TMEM170B: variants seen among roughly 807,000 people sequenced by gnomAD.
TMEM170B encodes transmembrane protein 170B.
Under a neutral mutation model 13.0 loss-of-function variants are expected in TMEM170B, and 6 were observed. That is an observed-to-expected ratio of 0.46 (90% CI 0.25 to 0.91). The LOEUF is 0.91. Among genes scored for constraint, TMEM170B ranks in the 40% least tolerant of loss-of-function variants. TMEM170B has a pLI of 0.17. For synonymous variants in TMEM170B, 61 were observed against 64.9 expected (o/e 0.94, Z 0.29); for missense variants, 138 against 165.2 (o/e 0.84, Z 0.90).
Position 11,565,854 on chromosome 6 carries a change from T to G in TMEM170B, c.268+18T>G. ...GATTACCAGTAAGTTGATTTTCTTT[T>G]GTCTGAGGATGTAAGTTTGTATACA... On this transcript the variant is annotated intron_variant, in intron 2 of 2. Coordinates refer to ENST00000379426, the MANE Select transcript of TMEM170B (RefSeq NM_001100829.3). 1.2e-6 allele frequency: 2 copies of G among 1,613,658 alleles called. No individual in the cohort carries two copies. The highest frequency in any genetic ancestry group is 1.7e-6 in the Non-Finnish European group (2 of 1,179,590).
rs199908989 is a variant in TMEM170B, at chr6:11,560,620, AT to A, written c.98-5045del. On this transcript the variant is annotated intron_variant, in intron 1 of 2. Transcript: ENST00000379426. ...AAAAATGAAAAACTAATTTCTAAAAATATTATATTTGCAGTAAAAATGTGTG... is the reference window on the plus strand; with the variant it reads ...AAAAATGAAAAACTAATTTCTAAAAAATTATATTTGCAGTAAAAATGTGTG... Among the ~76,000 whole-genome samples the A allele has an allele frequency of 8.8e-3, 1,342 of 151,934 alleles. 28 individuals are homozygous for A. The highest frequency in any genetic ancestry group is 0.031 in the African/African-American group (1,265 of 41,430).
At chr6:11,563,257 A>G (rs954679305) in intron 1 of TMEM170B, among the ~76,000 whole-genome samples, 1 of 151,768 alleles carries the variant, frequency 6.6e-6, no homozygotes. Flanking sequence ...AATCGCTTGA[A>G]CCTGGGAGGT....
intron 1 of TMEM170B, among the ~76,000 whole-genome samples, chr6:11,541,814 A>G (rs955767700): frequency 2.0e-5 from 3 of 152,106 alleles, no homozygotes; most frequent in East Asian, 1.9e-4. Context: ...TCAGAGGCCA[A>G]TGTAGGATTA....
At position 11,538,290 on chromosome 6, in the gene TMEM170B, G is replaced by A. The variant is rs199976230; in HGVS notation, c.13G>A (p.Gly5Arg). 2.7e-5 allele frequency: 39 copies of A among 1,421,970 alleles called. No homozygotes were observed. In the East Asian group the frequency reaches 1.0e-3, roughly 37 times the overall value. The allele number at this position is 1,421,970 out of a possible 1,614,324, so 88.1% of individuals were successfully genotyped here. ...CCCCTCGGGGAAGATGAAGGCGGAG[G>A]GGGGCGACCACTCCATGATCAACCT... MKAE[G>R]GDHSMINLSV... is the part of the protein sequence containing the mutation. The change falls in exon 1 of 3, where the codon GGG (glycine) becomes AGG (arginine). Residue 5 changes from glycine (G) to arginine (R), a missense_variant. Physicochemically the swap from Gly to Arg is moderately radical, Grantham distance 125 (BLOSUM62 -2). Transcript: ENST00000379426.
Position 11,582,353 on chromosome 6 carries a change from C to T in TMEM170B, c.*6792C>T, listed in dbSNP as rs1268495304. The T allele has an allele frequency of 6.6e-6, 1 of 152,078 alleles. No individual in the cohort carries two copies. The highest frequency in any genetic ancestry group is 1.9e-4 in the East Asian group (1 of 5,190). The allele number at this position is 152,078 out of a possible 1,614,324, so 9.4% of individuals were successfully genotyped here. On this transcript the variant is annotated 3_prime_UTR_variant, in exon 3 of 3. Transcript: ENST00000379426. Reference sequence around the variant, plus strand: ...AGATACTTGTGCAAAATGGATTTAGCAAGATTCAGGATTGGCACCAGTGAG... The same window carrying T: ...AGATACTTGTGCAAAATGGATTTAGTAAGATTCAGGATTGGCACCAGTGAG...
intron 1 of TMEM170B, among the ~76,000 whole-genome samples, chr6:11,547,195 G>T (rs1462417749): frequency 6.6e-6 from 1 of 151,998 alleles, no homozygotes; most frequent in Admixed American, 6.5e-5. Context: ...AGCCATTTTT[G>T]TTTCAATATT....
Position 11,575,496 on chromosome 6 carries a change from T to C in TMEM170B, c.334T>C (p.Trp112Arg). Residue 112 changes from tryptophan to arginine, a missense_variant, in exon 3 of 3, where the codon TGG becomes CGG. Transcript: ENST00000379426. This position sits in a 1 kb window ranked among gnomAD's most constrained non-coding sequence, Gnocchi z 4.1. Reference sequence around the variant, plus strand: ...CATGGCCCCTTTGGAAGCGCTGGTATGGGGCGTTGGACAGACTGTACTGAC... The same window carrying C: ...CATGGCCCCTTTGGAAGCGCTGGTACGGGGCGTTGGACAGACTGTACTGAC... The part of the protein sequence containing the change: ...KNMAPLEALV[W>R]GVGQTVLTLI... 6.2e-7 allele frequency: 1 copy of C among 1,613,496 alleles called. No individual in the cohort carries two copies. Among genetic ancestry groups the C allele is most frequent in the Non-Finnish European group, 8.5e-7 (1 of 1,179,576 alleles).
At chr6:11,554,458 T>C (rs912800667) in intron 1 of TMEM170B, among the ~76,000 whole-genome samples, 6 of 152,066 alleles carry the variant, frequency 3.9e-5, no homozygotes, top group African/African-American at 1.4e-4. Flanking sequence ...ATTACTCAGT[T>C]AATCAGTTAT....
chr6:11,560,346 T>TA (rs1333039626), intron 1 of TMEM170B, among the ~76,000 whole-genome samples: 1 of 121,472 alleles, frequency 8.2e-6, no homozygotes, highest in African/African-American at 3.0e-5. Flanking sequence ...TTTTTTTTTT[T>TA]AATTTTTAGT....
chr6:11,565,493 A>T (rs1232140816), intron 1 of TMEM170B, among the ~76,000 whole-genome samples, 173 bp from the exon 2 acceptor site: 3 of 152,234 alleles, frequency 2.0e-5, no homozygotes, highest in Non-Finnish European at 2.9e-5. Flanking sequence ...GGCATCAGCG[A>T]TGATGATAAA....
intron 2 of TMEM170B, among the ~76,000 whole-genome samples, chr6:11,567,335 A>G (rs1422987881): frequency 6.6e-6 from 1 of 152,122 alleles, no homozygotes; most frequent in African/African-American, 2.4e-5. Flanking sequence ...GCCTATTCCC[A>G]TATGTCAGGG....
Position 11,565,693 on chromosome 6 carries a change from CTCTCT to C in TMEM170B, c.136_140del (p.Ser46ValfsTer18), listed in dbSNP as rs1195371801. ...ATGTGGTACTGGATCTTCCTCTGGGCTCTCTTCTCTTCTCTGTTTGTCCATGGTGC... is the reference window on the plus strand; with the variant it reads ...ATGTGGTACTGGATCTTCCTCTGGGCTCTCTTCTCTGTTTGTCCATGGTGC... On this transcript the variant is annotated frameshift_variant, in exon 2 of 3. Transcript: ENST00000379426. LOFTEE classifies it high-confidence loss of function. 1 of 1,613,844 alleles carries C rather than the reference CTCTCT, an allele frequency of 6.2e-7. No homozygotes were observed. Among genetic ancestry groups the C allele is most frequent in the African/African-American group, 1.3e-5 (1 of 74,894 alleles).
chr6:11,574,987 A>G (rs891582302), intron 2 of TMEM170B, among the ~76,000 whole-genome samples: 4 of 152,000 alleles, frequency 2.6e-5, no homozygotes, highest in Non-Finnish European at 4.4e-5. Flanking sequence ...TACCTTTAAT[A>G]TTAAAATATT....
chr6:11,573,900 T>C (rs1759839241), intron 2 of TMEM170B, among the ~76,000 whole-genome samples: 1 of 152,172 alleles, frequency 6.6e-6, no homozygotes, highest in African/African-American at 2.4e-5. Context: ...AATCCTAAAA[T>C]TTGGATATGT....
chr6:11,567,551 C>T (rs182929930), intron 2 of TMEM170B, among the ~76,000 whole-genome samples: 1 of 152,324 alleles, frequency 6.6e-6, no homozygotes, highest in African/African-American at 2.4e-5. Context: ...TCCTATGGCA[C>T]TAATAAGACA....
At chr6:11,541,280 A>G (rs1759357274) in intron 1 of TMEM170B, among the ~76,000 whole-genome samples, 1 of 152,214 alleles carries the variant, frequency 6.6e-6, no homozygotes, top group Non-Finnish European at 1.5e-5. Flanking sequence ...TGTTTAATCT[A>G]CATGGAATAT....
chr6:11,538,270 C>T lies in TMEM170B; in HGVS notation c.-8C>T, dbSNP rs769299319. On this transcript the variant is annotated 5_prime_UTR_variant, in exon 1 of 3. Coordinates refer to ENST00000379426, the MANE Select transcript of TMEM170B (RefSeq NM_001100829.3). Reference sequence around the variant, plus strand: ...CGAGGAGAGGGCGGCGGGCGCCCCTCGGGGAAGATGAAGGCGGAGGGGGGC... The same window carrying T: ...CGAGGAGAGGGCGGCGGGCGCCCCTTGGGGAAGATGAAGGCGGAGGGGGGC... 7.4e-7 allele frequency: 1 copy of T among 1,356,314 alleles called. No homozygotes were observed. Among genetic ancestry groups the T allele is most frequent in the Non-Finnish European group, 9.5e-7 (1 of 1,052,226 alleles). 84.0% of individuals were successfully genotyped at this position (1,356,314 alleles called of 1,614,324 possible).
chr6:11,541,134 C>CATTG (rs1427575346), intron 1 of TMEM170B, among the ~76,000 whole-genome samples: 1 of 152,168 alleles, frequency 6.6e-6, no homozygotes, highest in East Asian at 1.9e-4. Flanking sequence ...GGTAAATGAG[C>CATTG]ATTGGCTTTA....
Position 11,575,783 on chromosome 6 carries a change from T to A in TMEM170B, c.*222T>A. 2.4e-6 allele frequency: 1 copy of A among 420,110 alleles called. No homozygotes were observed. Among genetic ancestry groups the A allele is most frequent in the Non-Finnish European group, 4.3e-6 (1 of 233,432 alleles). The allele number at this position is 420,110 out of a possible 1,614,324, so 26.0% of individuals were successfully genotyped here. A position where few individuals can be genotyped will look rare whatever the true frequency, so the allele number is the denominator to read the frequency against. The stretch of plus-strand genomic sequence containing the variant: ...TGCCTCTGTCTCAGGCAAGGTGCAT[T>A]AAGACACTATGTAAAGTTACAAGAA... On this transcript the variant is annotated 3_prime_UTR_variant, in exon 3 of 3. Transcript: ENST00000379426. This position sits in a 1 kb window ranked among gnomAD's most constrained non-coding sequence, Gnocchi z 4.1.
Sources: allele counts gnomAD v4.1 joint callset (sites outside exome capture counted in the v4.1 genomes callset), GRCh38; gene constraint gnomAD v4.1.1; non-coding constraint Gnocchi (gnomAD v3.1); transcripts MANE v1.5; gene names NCBI Gene and HGNC (gene_info 2026-07-23, HGNC 2026-07-21).